Variants in ACACA observed in about 807,000 individuals in gnomAD.
ACACA encodes the protein acetyl-CoA carboxylase 1.
In ACACA, 103 loss-of-function variants were observed where a neutral mutation model predicts 296.1. That is an observed-to-expected ratio of 0.35 (90% CI 0.30 to 0.41). The LOEUF is 0.41. Among genes scored for constraint, ACACA ranks in the 10% least tolerant of loss-of-function variants. The pLI is 1.00. For missense variants in ACACA, 1,554 were observed against 2,989.7 expected (o/e 0.52, Z 11.20); for synonymous variants, 953 against 1,038.6 (o/e 0.92, Z 1.58).
chr17:37,332,506 C>T (rs2047929053), intron 2 of ACACA, among the ~76,000 whole-genome samples: 1 of 150,680 alleles, frequency 6.6e-6, no homozygotes, highest in Non-Finnish European at 1.5e-5. Flanking sequence ...CGCGGTGGCT[C>T]ACGCCTATAA....
At chr17:37,185,155 TACATTTG>T (rs1935544160) in intron 39 of ACACA, among the ~76,000 whole-genome samples, 1 of 152,208 alleles carries the variant, frequency 6.6e-6, no homozygotes, top group Admixed American at 6.5e-5. Context: ...ACACGGTGTA[TACATTTG>T]ACAGAATGAA....
At chr17:37,367,606 T>A (rs2049653249) in intron 1 of ACACA, 1 of 152,168 alleles carries the variant, frequency 6.6e-6, no homozygotes, top group Non-Finnish European at 1.5e-5. Flanking sequence ...TAAGGTGGTG[T>A]TTTGGATTAA....
At chr17:37,252,357 T>A in intron 15 of ACACA, among the ~76,000 whole-genome samples, 1 of 152,198 alleles carries the variant, frequency 6.6e-6, no homozygotes, top group East Asian at 1.9e-4. Flanking sequence ...TAGCCAATCA[T>A]TGAATAGCTC....
intron 41 of ACACA, among the ~76,000 whole-genome samples, chr17:37,178,876 A>G (rs77562010): frequency 1.3e-5 from 2 of 152,168 alleles, no homozygotes; most frequent in African/African-American, 4.8e-5. Flanking sequence ...ATCTATTTTC[A>G]TGTACCTATC....
intron 3 of ACACA, among the ~76,000 whole-genome samples, chr17:37,288,244 T>C (rs548314572): frequency 2.6e-5 from 4 of 152,338 alleles, no homozygotes; most frequent in Admixed American, 6.5e-5. Context: ...TATTATTGCA[T>C]GTATTTTTAA....
chr17:37,091,175 G>T (rs1239429748), intron 54 of ACACA, among the ~76,000 whole-genome samples: 1 of 152,180 alleles, frequency 6.6e-6, no homozygotes, highest in Non-Finnish European at 1.5e-5. Flanking sequence ...ACACTGGAAA[G>T]CCAGCTACCC....
chr17:37,236,655 T>A (rs896339640), intron 24 of ACACA, among the ~76,000 whole-genome samples: 15 of 152,172 alleles, frequency 9.9e-5, no homozygotes, highest in African/African-American at 2.9e-4. Flanking sequence ...TGAAACCCCA[T>A]CTCTACTAAA....
chr17:37,390,314 A>ATATAT (rs1555672298), intron 1 of ACACA, among the ~76,000 whole-genome samples: 5 of 38,684 alleles, frequency 1.3e-4, no homozygotes, highest in Non-Finnish European at 1.6e-4. Flanking sequence ...TTATATATAT[A>ATATAT]TATATATATA....
intron 3 of ACACA, among the ~76,000 whole-genome samples, chr17:37,292,582 G>A (rs1161757291): frequency 1.3e-5 from 2 of 152,242 alleles, no homozygotes; most frequent in African/African-American, 4.8e-5. Context: ...AAGGCCAGGT[G>A]CGGTGGCTCA....
At chr17:37,169,965 T>C (rs1421054615) in intron 41 of ACACA, among the ~76,000 whole-genome samples, 2 of 152,212 alleles carry the variant, frequency 1.3e-5, no homozygotes, top group East Asian at 3.9e-4. Flanking sequence ...GCAGTGCCAG[T>C]GTCGTCTTCT....
rs1286032373 is a variant in ACACA, at chr17:37,339,842, CA to C, written c.46del (p.Trp16GlyfsTer9). Reference protein sequence around the residue: ...LMSILRARSFWKWISTQTVRI... With the variant: ...LMSILRARSFXKWISTQTVRI... ...TACTGTCTGAGTAGATATCCACTTC[CA>C]AAAAGACCTAGAGAGAAAGAGAAAG... On this transcript the variant is annotated frameshift_variant, in exon 2 of 56. Coordinates refer to ENST00000616317, the MANE Select transcript of ACACA (RefSeq NM_198834.3). LOFTEE classifies it high-confidence loss of function. The C allele has an allele frequency of 1.5e-6, 2 of 1,309,094 alleles. No individual in the cohort carries two copies. Among genetic ancestry groups the C allele is most frequent in the Non-Finnish European group, 2.1e-6 (2 of 930,646 alleles). The allele number at this position is 1,309,094 out of a possible 1,614,324, so 81.1% of individuals were successfully genotyped here.
At chr17:37,236,602 A>G (rs1456250711) in intron 24 of ACACA, among the ~76,000 whole-genome samples, 1 of 152,050 alleles carries the variant, frequency 6.6e-6, no homozygotes, top group Non-Finnish European at 1.5e-5. Context: ...AGGCGGGTGG[A>G]TCACTTGAGG....
chr17:37,268,739 ATC>A (rs1381300887), intron 10 of ACACA, among the ~76,000 whole-genome samples: 2,221 of 68,600 alleles, frequency 0.032, 27 homozygotes, highest in African/African-American at 0.074. Context: ...CTATCTATCT[ATC>A]TATATATATA....
At chr17:37,281,432 A>T (rs2082527672) in intron 5 of ACACA, among the ~76,000 whole-genome samples, 1 of 152,154 alleles carries the variant, frequency 6.6e-6, no homozygotes, top group African/African-American at 2.4e-5. Context: ...GACCCTGTGC[A>T]TGTTTCTTTT....
At chr17:37,345,604 A>C (rs1204808105) in intron 1 of ACACA, among the ~76,000 whole-genome samples, 1 of 152,246 alleles carries the variant, frequency 6.6e-6, no homozygotes, top group Non-Finnish European at 1.5e-5. Context: ...AACTTGAAGA[A>C]AAGAGATTAC....
At chr17:37,165,678 T>A (rs2144548116) in intron 41 of ACACA, among the ~76,000 whole-genome samples, 1 of 150,892 alleles carries the variant, frequency 6.6e-6, no homozygotes, top group African/African-American at 2.4e-5. Context: ...GTAGAGAATT[T>A]TTTTTTTTTT....
At chr17:37,244,551 A>G (rs765748403) in intron 21 of ACACA, 37 bp downstream of exon 21, 1 of 1,611,398 alleles carries the variant, frequency 6.2e-7, no homozygotes, top group Non-Finnish European at 8.5e-7. Flanking sequence ...TAGGTATCCC[A>G]TTTGTACATC....
intron 3 of ACACA, among the ~76,000 whole-genome samples, chr17:37,329,812 G>A (rs1357668389): frequency 6.6e-6 from 1 of 151,842 alleles, no homozygotes; most frequent in Admixed American, 6.6e-5. Context: ...ATGGTGGCAG[G>A]CGCCTGTAAT....
intron 9 of ACACA, 147 bp downstream of exon 9, chr17:37,274,046 C>G (rs1054869202): frequency 1.4e-6 from 1 of 717,614 alleles, no homozygotes. Flanking sequence ...GAGAAACCAG[C>G]GTATTCTATA....
Sources: gnomAD v4.1 joint callset for allele counts (sites outside exome capture counted in the v4.1 genomes callset) on GRCh38, gnomAD v4.1.1 for gene constraint, MANE v1.5 for transcripts, NCBI Gene and HGNC (gene_info 2026-07-23, HGNC 2026-07-21) for gene names.